The following MAML2 variants were observed in gnomAD, a reference collection of about 807,000 sequenced individuals.
The protein encoded by MAML2 is mastermind like transcriptional coactivator 2.
In MAML2, 22 loss-of-function variants were observed where a neutral mutation model predicts 96.1. The ratio of observed to expected loss-of-function variants is 0.23; its 90% CI spans 0.16 to 0.33. The LOEUF (loss-of-function observed/expected upper bound fraction) is 0.33. MAML2 is among the 10% of genes least tolerant of loss of function. The pLI, the probability that MAML2 is intolerant of heterozygous loss-of-function variation, is 1.00. For synonymous variants in MAML2, 561 were observed against 521.3 expected (o/e 1.08, Z -1.04); for missense variants, 1,367 against 1,392.4 (o/e 0.98, Z 0.29).
At chr11:96,215,780 C>T (rs1862040814) in intron 1 of MAML2, among the ~76,000 whole-genome samples, 1 of 152,068 alleles carries the variant, frequency 6.6e-6, no homozygotes, top group African/African-American at 2.4e-5. Context: ...CTGGTTGTTC[C>T]CTCTCTTTAA....
At chr11:96,166,020 A>T (rs1202814082) in intron 1 of MAML2, among the ~76,000 whole-genome samples, 1 of 152,086 alleles carries the variant, frequency 6.6e-6, no homozygotes, top group Non-Finnish European at 1.5e-5. Flanking sequence ...GGACACAGAG[A>T]ATATCCTTTG....
chr11:96,274,127 G>C (rs1256137548), intron 1 of MAML2, among the ~76,000 whole-genome samples: 2 of 141,172 alleles, frequency 1.4e-5, no homozygotes, highest in African/African-American at 5.3e-5. Flanking sequence ...CTGTAGCTCA[G>C]GCTGGAGTGC....
intron 1 of MAML2, among the ~76,000 whole-genome samples, chr11:96,241,654 T>C (rs1251536088): frequency 6.6e-6 from 1 of 152,178 alleles, no homozygotes; most frequent in African/African-American, 2.4e-5. Flanking sequence ...CCTGTGAACA[T>C]TTGTTGCCAG....
At chr11:96,335,560 T>C (rs1226036380) in intron 1 of MAML2, among the ~76,000 whole-genome samples, 1 of 152,176 alleles carries the variant, frequency 6.6e-6, no homozygotes, top group African/African-American at 2.4e-5. Context: ...AATGTGTAAA[T>C]AGCAAGGCAT....
intron 1 of MAML2, among the ~76,000 whole-genome samples, chr11:96,316,585 AC>A (rs1157736002): frequency 6.6e-6 from 1 of 152,170 alleles, no homozygotes; most frequent in Non-Finnish European, 1.5e-5. Context: ...TAAATGATCC[AC>A]ACACAACTTC....
chr11:96,033,714 C>T (rs1267953049), intron 2 of MAML2, among the ~76,000 whole-genome samples: 2 of 152,104 alleles, frequency 1.3e-5, no homozygotes, highest in Non-Finnish European at 2.9e-5. Flanking sequence ...CCCTGGGTCG[C>T]GTCTGGGAAA....
intron 1 of MAML2, among the ~76,000 whole-genome samples, chr11:96,163,006 A>G (rs1370205703): frequency 3.3e-5 from 5 of 152,188 alleles, no homozygotes; most frequent in Admixed American, 3.3e-4. Flanking sequence ...GGGATTTGCA[A>G]CTTTTGCAAA....
chr11:96,131,827 T>A (rs755491437), intron 1 of MAML2, among the ~76,000 whole-genome samples: 9 of 152,034 alleles, frequency 5.9e-5, no homozygotes, highest in Non-Finnish European at 1.2e-4. Flanking sequence ...CTGGCCAACA[T>A]GGTGAAACAC....
intron 2 of MAML2, among the ~76,000 whole-genome samples, chr11:96,067,330 C>G (rs1320725848): frequency 6.6e-6 from 1 of 152,234 alleles, no homozygotes; most frequent in African/African-American, 2.4e-5. Flanking sequence ...AAGACACGGA[C>G]TGCCTTTCAA....
chr11:96,187,198 T>A (rs959590816), intron 1 of MAML2, among the ~76,000 whole-genome samples: 3 of 152,200 alleles, frequency 2.0e-5, no homozygotes, highest in African/African-American at 7.2e-5. Flanking sequence ...AGAAGCTAAG[T>A]GTGATAGCTA....
chr11:96,245,365 A>G (rs1021869890), intron 1 of MAML2, among the ~76,000 whole-genome samples: 3 of 152,166 alleles, frequency 2.0e-5, no homozygotes, highest in Admixed American at 1.3e-4. Flanking sequence ...TAGTATATTA[A>G]TGCCATGTGA....
rs141040840 is a variant in MAML2, at chr11:96,280,426, TTCTCCTGA to T, written c.513+60949_513+60956del. Among the ~76,000 whole-genome samples, 983 of 152,328 alleles carry T rather than the reference TTCTCCTGA, an allele frequency of 6.5e-3. 10 individuals are homozygous for T. Among genetic ancestry groups the T allele is most frequent in the African/African-American group, 0.022 (899 of 41,572 alleles). ...TCTTGAAACTGTTAATGAACTTTCT[TTCTCCTGA>T]TCTGTACAATGTCAAATTCATTTCT... On this transcript the variant is annotated intron_variant, in intron 1 of 4. Transcript: ENST00000524717.
intron 2 of MAML2, among the ~76,000 whole-genome samples, chr11:96,033,648 A>G (rs975713883): frequency 6.6e-6 from 1 of 152,092 alleles, no homozygotes; most frequent in Non-Finnish European, 1.5e-5. Context: ...AGAGGAATTG[A>G]CTCTTGGGGT....
chr11:96,207,614 A>T (rs1401569265), intron 1 of MAML2, among the ~76,000 whole-genome samples: 1 of 152,244 alleles, frequency 6.6e-6, no homozygotes. Flanking sequence ...ATATGCCAAC[A>T]CAGTCAAAAG....
chr11:96,292,153 A>T (rs1236107476), intron 1 of MAML2, among the ~76,000 whole-genome samples: 1 of 152,210 alleles, frequency 6.6e-6, no homozygotes, highest in Non-Finnish European at 1.5e-5. Context: ...GAACTCAGCT[A>T]AGTTAGTTCC....
intron 1 of MAML2, among the ~76,000 whole-genome samples, chr11:96,328,706 G>A (rs1223694853): frequency 6.6e-6 from 1 of 152,174 alleles, no homozygotes; most frequent in African/African-American, 2.4e-5. Context: ...GCTCCTAGAA[G>A]CAGATCCCAT....
intron 1 of MAML2, among the ~76,000 whole-genome samples, chr11:96,310,737 C>T (rs1053253903): frequency 4.6e-5 from 7 of 152,320 alleles, no homozygotes; most frequent in African/African-American, 1.4e-4. Context: ...CTGTGCCTCT[C>T]TGAGCCTCAG....
rs1859772343 is a variant in MAML2 at position 96,093,483 on chromosome 11, T to A, written c.548A>T (p.Asn183Ile). Residue 183 changes from asparagine (N) to isoleucine (I), a missense_variant, in exon 2 of 5, where the codon AAC becomes ATC. By Grantham distance (149) the Asn-to-Ile change is moderately radical. Coordinates refer to ENST00000524717, the MANE Select transcript of MAML2 (RefSeq NM_032427.4). ...TCGCTTGCTGTTGGCAGGAGATAGGTTAACTACCTGTTTTCTTTTCAAGGA... is the reference window on the plus strand; with the variant it reads ...TCGCTTGCTGTTGGCAGGAGATAGGATAACTACCTGTTTTCTTTTCAAGGA... Reference protein sequence around the residue: ...QGSLKRKQVVNLSPANSKRPN... With the variant: ...QGSLKRKQVVILSPANSKRPN... The A allele has an allele frequency of 1.2e-6, 2 of 1,610,356 alleles. No homozygotes were observed. The highest frequency in any genetic ancestry group is 2.7e-5 in the African/African-American group (2 of 74,666).
intron 1 of MAML2, among the ~76,000 whole-genome samples, chr11:96,132,072 G>A (rs1036836578): frequency 2.0e-5 from 3 of 152,126 alleles, no homozygotes; most frequent in African/African-American, 4.8e-5. Context: ...ATTTCCTAGT[G>A]GGCAAGGATC....
Sources: allele counts gnomAD v4.1 joint callset (sites outside exome capture counted in the v4.1 genomes callset), GRCh38; gene constraint gnomAD v4.1.1; transcripts MANE v1.5; gene names NCBI Gene and HGNC (gene_info 2026-07-23, HGNC 2026-07-21).